Variants in ASPM observed in about 807,000 individuals in gnomAD.
The protein encoded by ASPM is assembly factor for spindle microtubules.
In ASPM, 256 loss-of-function variants were observed where a neutral mutation model predicts 366.4. The ratio of observed to expected loss-of-function variants is 0.70; its 90% CI spans 0.63 to 0.77. The LOEUF is 0.77. Among genes scored for constraint, ASPM ranks in the 30% least tolerant of loss-of-function variants. The pLI, the probability that ASPM is intolerant of heterozygous loss-of-function variation, is 0.00. For synonymous variants in ASPM, 1,414 were observed against 1,342.9 expected, an observed-to-expected ratio of 1.05 and a Z score of -1.16; for missense variants, 4,146 against 4,090.4, an observed-to-expected ratio of 1.01 and a Z score of -0.37.
At chr1:197,086,704 T>C in intron 27 of ASPM, 99 bp downstream of exon 27, 1 of 1,056,552 alleles carries the variant, frequency 9.5e-7, no homozygotes, top group Non-Finnish European at 1.5e-6. Context: ...GTTTCTCCAC[T>C]GAAAAGCACA....
At position 197,089,914 on chromosome 1, in the gene ASPM, T is replaced by C. The variant is rs1203201021; in HGVS notation, c.9984+16A>G. 1.2e-6 allele frequency: 2 copies of C among 1,610,046 alleles called. No homozygotes were observed. The highest frequency in any genetic ancestry group is 1.7e-6 in the Non-Finnish European group (2 of 1,176,812). On this transcript the variant is annotated intron_variant, in intron 25 of 27. Coordinates refer to ENST00000367409, the MANE Select transcript of ASPM (RefSeq NM_018136.5). ...TGTTGACCAGTGAATATCTCATTAA[T>C]AAAATGAAAAACTACCTTAGATACA...
rs554347304 is a variant in ASPM, at chr1:197,133,558, T to C, written c.2211A>G (p.Gln737=). The change falls in exon 6 of 28, where the codon CAA becomes CAG. Residue 737 remains glutamine (Q), a synonymous_variant. Transcript: ENST00000367409. ...GTGCTCTAGGAACACTTATTTTATG[T>C]TGATTCTCTATTCCCAAAAGAAGAG... is the stretch of plus-strand genomic sequence containing the variant. The part of the protein sequence containing the change: ...AATLLLGIEN[Q]HKISVPRAPT... 7.4e-6 allele frequency: 12 copies of C among 1,613,628 alleles called. No individual in the cohort carries two copies. The East Asian group carries it at 2.2e-4, about 30-fold the overall frequency.
chr1:197,090,916 T>C lies in ASPM; in HGVS notation c.9570A>G (p.Lys3190=), dbSNP rs1400682702. Residue 3190 remains lysine, a synonymous_variant, in exon 23 of 28, where the codon AAA becomes AAG. Coordinates refer to ENST00000367409, the MANE Select transcript of ASPM (RefSeq NM_018136.5). ...QRNRAASVIQ[K]AVRHFLLRKK... is the part of the protein sequence containing the mutation. ...TACGGAGGAGAAAATGGCGCACTGC[T>C]TTCTGTATTACTGATGCAGCCCTAT... 1 of 1,613,490 alleles carries C rather than the reference T, an allele frequency of 6.2e-7. No individual in the cohort carries two copies. Among genetic ancestry groups the C allele is most frequent in the Non-Finnish European group, 8.5e-7 (1 of 1,179,634 alleles).
At chr1:197,127,412 A>G (rs1658123185) in intron 10 of ASPM, among the ~76,000 whole-genome samples, 1 of 152,208 alleles carries the variant, frequency 6.6e-6, no homozygotes, top group East Asian at 1.9e-4. Context: ...CCCATACGTC[A>G]ACATTTAACT....
intron 4 of ASPM, chr1:197,138,978 CTCT>C (rs779617929): frequency 1.1e-4 from 81 of 720,522 alleles, no homozygotes; most frequent in Non-Finnish European, 1.7e-4. Context: ...TCTGTTTCAA[CTCT>C]TCTTCTCTCT....
intron 8 of ASPM, 54 bp from the exon 9 acceptor site, chr1:197,129,371 A>T: frequency 6.4e-7 from 1 of 1,554,560 alleles, no homozygotes. Flanking sequence ...GGTAGGTTTC[A>T]TCTTAAAATA....
chr1:197,139,067 G>T, intron 4 of ASPM: 2 of 747,388 alleles, frequency 2.7e-6, no homozygotes, highest in Non-Finnish European at 2.5e-6. Flanking sequence ...TCTGGGCCCA[G>T]ATCTGTAAAG....
chr1:197,142,521 G>A lies in ASPM; in HGVS notation c.1731C>T (p.Ser577=), dbSNP rs756593418. The part of the protein sequence containing the change: ...TTASVARKRK[S]DGSMEDANVR... ...CATTTGCATCTTCCATGCTTCCATC[G>A]CTCTTTCTTTTCCGAGCAACTGAAG... The change falls in exon 3 of 28, where the codon AGC becomes AGT. Residue 577 remains serine (S), a synonymous_variant. Coordinates refer to ENST00000367409, the MANE Select transcript of ASPM (RefSeq NM_018136.5). 6.8e-6 allele frequency: 11 copies of A among 1,613,796 alleles called. No individual in the cohort carries two copies. Among genetic ancestry groups the A allele is most frequent in the Middle Eastern group, 3.3e-4 (2 of 6,082 alleles).
intron 18 of ASPM, among the ~76,000 whole-genome samples, chr1:197,099,648 TC>T (rs1657093910): frequency 6.6e-6 from 1 of 151,726 alleles, no homozygotes; most frequent in Non-Finnish European, 1.5e-5. Flanking sequence ...TATATCTTAC[TC>T]ATTGTCTATT....
rs1200190931 is a variant in ASPM at position 197,133,581 on chromosome 1, G to C, written c.2188C>G (p.Leu730Val). 6.2e-7 allele frequency: 1 copy of C among 1,613,150 alleles called. No homozygotes were observed. Among genetic ancestry groups the C allele is most frequent in the Admixed American group, 1.7e-5 (1 of 60,016 alleles). ...TGTTGATTCTCTATTCCCAAAAGAA[G>C]AGTAGCAGCATTTACTGGGTAAAAA... ...TNISEVNAAT[L>V]LLGIENQHKI... The change falls in exon 6 of 28, where the codon CTT (leucine) becomes GTT (valine). Residue 730 changes from leucine (L) to valine (V), a missense_variant. Around this residue, in one of 3 missense-constraint regions of ASPM, gnomAD observed 3,624 missense variants for 3,591.7 expected, o/e 1.01. Transcript: ENST00000367409.
rs200368918 is a variant in ASPM, at chr1:197,124,127, C to T, written c.3373G>A (p.Ala1125Thr). Residue 1125 changes from alanine (A) to threonine (T), a missense_variant, in exon 13 of 28, where the codon GCC (alanine) becomes ACC (threonine). Physicochemically the swap from Ala to Thr is moderately conservative, Grantham distance 58 (BLOSUM62 0). Around this residue, in one of 3 missense-constraint regions of ASPM, gnomAD observed 3,624 missense variants for 3,591.7 expected, o/e 1.01. Transcript: ENST00000367409. The stretch of plus-strand genomic sequence containing the variant: ...AAACTTACCTTTTTATTATAGAAGG[C>T]ACAAACAGCATTTACCCAATCCATC... ...LLMDWVNAVC[A>T]FYNKKVENFT... 6.2e-7 allele frequency: 1 copy of T among 1,610,444 alleles called. No homozygotes were observed. The highest frequency in any genetic ancestry group is 2.2e-5 in the East Asian group (1 of 44,678).
rs1361567183 is a variant in ASPM at position 197,084,313 on chromosome 1, G to A, written c.*11C>T. 2 of 1,576,404 alleles carry A rather than the reference G, an allele frequency of 1.3e-6. No homozygotes were observed. The highest frequency in any genetic ancestry group is 1.7e-5 in the Admixed American group (1 of 59,836). On this transcript the variant is annotated 3_prime_UTR_variant, in exon 28 of 28. Coordinates refer to ENST00000367409, the MANE Select transcript of ASPM (RefSeq NM_018136.5). ...TCTTTACACTATACATACTGAAAAT[G>A]TTTACATTTACTAATAAGGAATGCC...
chr1:197,145,991 C>T (rs548947541), intron 1 of ASPM, 150 bp downstream of exon 1: 1 of 988,632 alleles, frequency 1.0e-6, no homozygotes, highest in African/African-American at 1.6e-5. Context: ...CAAGAGCCAC[C>T]CACAGTTATT....
rs142024644 is a variant in ASPM, at chr1:197,093,195, G to A, written c.9151C>T (p.Arg3051Trp). The A allele has an allele frequency of 7.3e-5, 117 of 1,612,530 alleles. 1 individual carries two copies. Among genetic ancestry groups the A allele is most frequent in the Non-Finnish European group, 8.5e-5 (100 of 1,178,974 alleles). The change falls in exon 21 of 28, where the codon CGG becomes TGG. Residue 3051 changes from arginine (R) to tryptophan (W), a missense_variant. By Grantham distance (101) the Arg-to-Trp change is moderately radical (BLOSUM62 -3). Coordinates refer to ENST00000367409, the MANE Select transcript of ASPM (RefSeq NM_018136.5). ...ATGATCAAAGCAGCAGATTTCTGCC[G>A]AAGAAAGACCTGCCTTCCTTTATAT... Reference protein sequence around the residue: ...RGYKGRQVFLRQKSAALIIQK... With the variant: ...RGYKGRQVFLWQKSAALIIQK...
rs1203890497 is a variant in ASPM at position 197,142,525 on chromosome 1, TTTC to T, written c.1724_1726del (p.Arg575del). ...TGCATCTTCCATGCTTCCATCGCTC[TTTC>T]TTTTCCGAGCAACTGAAGCTGTTGT... is the stretch of plus-strand genomic sequence containing the variant. On this transcript the variant is annotated inframe_deletion, in exon 3 of 28. Coordinates refer to ENST00000367409, the MANE Select transcript of ASPM (RefSeq NM_018136.5). 6.2e-7 allele frequency: 1 copy of T among 1,613,930 alleles called. No individual in the cohort carries two copies. The highest frequency in any genetic ancestry group is 8.5e-7 in the Non-Finnish European group (1 of 1,179,886).
intron 5 of ASPM, among the ~76,000 whole-genome samples, chr1:197,134,345 G>C (rs1354871579): frequency 6.6e-6 from 1 of 152,042 alleles, no homozygotes; most frequent in African/African-American, 2.4e-5. Context: ...CTGGGAAGTG[G>C]AGGCTGCAGT....
At chr1:197,128,347 A>AG in intron 10 of ASPM, 143 bp downstream of exon 10, 1 of 860,642 alleles carries the variant, frequency 1.2e-6, no homozygotes, top group East Asian at 2.7e-5. Flanking sequence ...TTCCCTGAAA[A>AG]AAAAAAAAAA....
intron 4 of ASPM, among the ~76,000 whole-genome samples, chr1:197,137,822 CTGTAAGACATAA>C (rs1658468627): frequency 6.6e-6 from 1 of 152,168 alleles, no homozygotes; most frequent in Non-Finnish European, 1.5e-5. Flanking sequence ...TACCCCAAAT[CTGTAAGACATAA>C]TATTATCATT....
intron 22 of ASPM, among the ~76,000 whole-genome samples, chr1:197,091,385 T>C (rs1287344073): frequency 6.6e-6 from 1 of 151,980 alleles, no homozygotes; most frequent in Admixed American, 6.6e-5. Flanking sequence ...TATAAACAAA[T>C]AGAATTCTTC....
Sources: gnomAD v4.1 joint callset for allele counts (sites outside exome capture counted in the v4.1 genomes callset) on GRCh38, gnomAD v4.1.1 for gene constraint, gnomAD v4.1.1 regional missense constraint, MANE v1.5 for transcripts, NCBI Gene and HGNC (gene_info 2026-07-23, HGNC 2026-07-21) for gene names.